The following FUT8 variants were observed in gnomAD, a reference collection of about 807,000 sequenced individuals.
FUT8 encodes alpha-(1,6)-fucosyltransferase.
FUT8 carries 29 observed loss-of-function variants against 71.3 expected under a neutral mutation model. That is an observed-to-expected ratio of 0.41 (90% CI 0.30 to 0.55). The LOEUF is 0.55. Among genes scored for constraint, FUT8 ranks in the 20% least tolerant of loss-of-function variants. FUT8 has a pLI of 0.34. For missense variants in FUT8, 544 were observed against 702.1 expected, an observed-to-expected ratio of 0.77 and a Z score of 2.55; for synonymous variants, 254 against 239.3, an observed-to-expected ratio of 1.06 and a Z score of -0.57.
chr14:65,425,457 C>A (rs1224688347), intron 1 of FUT8, among the ~76,000 whole-genome samples: 1 of 148,172 alleles, frequency 6.7e-6, no homozygotes, highest in African/African-American at 2.5e-5. Flanking sequence ...TATGAGCCAC[C>A]ATGCCTGGCC....
intron 2 of FUT8, among the ~76,000 whole-genome samples, chr14:65,456,580 C>A (rs927028562): frequency 6.6e-6 from 1 of 150,662 alleles, no homozygotes; most frequent in Non-Finnish European, 1.5e-5. Flanking sequence ...ACTCTATGTT[C>A]TTTAAAAAAT....
At chr14:65,682,069 T>C (rs2140411004) in intron 7 of FUT8, among the ~76,000 whole-genome samples, 1 of 152,344 alleles carries the variant, frequency 6.6e-6, no homozygotes, top group South Asian at 2.1e-4. Context: ...AGAAAGTGTT[T>C]GCCAGCCTAA....
chr14:65,719,086 A>G (rs958973923), intron 7 of FUT8, among the ~76,000 whole-genome samples: 7 of 152,172 alleles, frequency 4.6e-5, no homozygotes, highest in Admixed American at 2.6e-4. Flanking sequence ...CTTAAGGCCA[A>G]TAACTGTTAG....
chr14:65,498,585 A>C (rs929221564), intron 2 of FUT8, among the ~76,000 whole-genome samples: 2 of 152,152 alleles, frequency 1.3e-5, no homozygotes, highest in Non-Finnish European at 2.9e-5. Flanking sequence ...ATAGAATATA[A>C]TTTTGCATAT....
chr14:65,594,879 G>A (rs557862081), intron 3 of FUT8, among the ~76,000 whole-genome samples: 16 of 152,232 alleles, frequency 1.1e-4, no homozygotes, highest in African/African-American at 3.9e-4. Context: ...TATAGGCACA[G>A]AATGGGGGTT....
At chr14:65,400,953 T>C in the FUT8 span, among the ~76,000 whole-genome samples, 3 of 152,200 alleles carry the variant, frequency 2.0e-5, no homozygotes, top group Non-Finnish European at 4.4e-5. Context: ...TTCACCTTTT[T>C]GCTATTTTTA....
At chr14:65,665,302 G>T (rs1423249335) in intron 6 of FUT8, among the ~76,000 whole-genome samples, 1 of 152,132 alleles carries the variant, frequency 6.6e-6, no homozygotes, top group Non-Finnish European at 1.5e-5. Flanking sequence ...CATCATAGAA[G>T]GTAAGCTCAG....
intron 3 of FUT8, among the ~76,000 whole-genome samples, chr14:65,567,429 T>C (rs1033185131): frequency 1.3e-5 from 2 of 151,910 alleles, no homozygotes; most frequent in Non-Finnish European, 2.9e-5. Flanking sequence ...TCACAGGTCA[T>C]GTTTTACTGT....
At chr14:65,535,102 TTTTA>T (rs1271556379) in intron 2 of FUT8, among the ~76,000 whole-genome samples, 1 of 151,538 alleles carries the variant, frequency 6.6e-6, no homozygotes, top group East Asian at 1.9e-4. Flanking sequence ...TTATTTTTTA[TTTTA>T]TTTTATTTTT....
At chr14:65,416,215 AAG>A (rs2065217063) in intron 1 of FUT8, among the ~76,000 whole-genome samples, 1 of 152,230 alleles carries the variant, frequency 6.6e-6, no homozygotes, top group Non-Finnish European at 1.5e-5. Flanking sequence ...TTACAATCAT[AAG>A]AGTAAATATT....
intron 2 of FUT8, among the ~76,000 whole-genome samples, chr14:65,547,249 A>G (rs999850268): frequency 5.3e-5 from 8 of 151,508 alleles, no homozygotes; most frequent in Non-Finnish European, 1.2e-4. Context: ...TATTACATTC[A>G]TAGAGCTTAC....
At chr14:65,411,046 C>T (rs1014189680), upstream of FUT8, 1 of 152,232 alleles carries the variant, frequency 6.6e-6, no homozygotes, top group Non-Finnish European at 1.5e-5. Flanking sequence ...TTTAATCCCA[C>T]ATAAGTCTAA....
the FUT8 span, among the ~76,000 whole-genome samples, chr14:65,385,278 T>C: frequency 6.6e-6 from 1 of 152,160 alleles, no homozygotes; most frequent in Admixed American, 6.5e-5. Context: ...GGTCTAAAAA[T>C]CACTAGCTTT....
rs1445153638 is a variant in FUT8, at chr14:65,603,659, C to CT, written c.204-12318dup. Among the ~76,000 whole-genome samples, 2 of 151,362 alleles carry CT rather than the reference C, an allele frequency of 1.3e-5. No homozygotes were observed. The highest frequency in any genetic ancestry group is 2.4e-5 in the African/African-American group (1 of 41,234). ...TTTCTTGGTTAATCTTGCTAATGCT[C>CT]TATCAATTTTATTTATCTTTTCAAA... On this transcript the variant is annotated intron_variant, in intron 3 of 10. Transcript: ENST00000673929. This position sits in a 1 kb window ranked among gnomAD's most constrained non-coding sequence, Gnocchi z 4.5.
At chr14:65,590,868 G>A (rs933942394) in intron 3 of FUT8, among the ~76,000 whole-genome samples, 7 of 152,148 alleles carry the variant, frequency 4.6e-5, no homozygotes, top group South Asian at 2.1e-4. Flanking sequence ...TCTCCATGGG[G>A]AAAATAGGTG....
At chr14:65,667,470 G>A (rs180908394) in intron 6 of FUT8, among the ~76,000 whole-genome samples, 1 of 152,026 alleles carries the variant, frequency 6.6e-6, no homozygotes, top group Admixed American at 6.6e-5. Context: ...TAACTAGGGA[G>A]GTGCAAGATC....
chr14:65,489,354 T>C lies in FUT8; in HGVS notation c.-228+33636T>C, dbSNP rs2066452252. Among the ~76,000 whole-genome samples the C allele has an allele frequency of 6.6e-6, 1 of 152,176 alleles. No homozygotes were observed. Among genetic ancestry groups the C allele is most frequent in the African/African-American group, 2.4e-5 (1 of 41,462 alleles). On this transcript the variant is annotated intron_variant, in intron 2 of 10. Coordinates refer to ENST00000673929, the MANE Select transcript of FUT8 (RefSeq NM_001371533.1). This position sits in a 1 kb window ranked among gnomAD's most constrained non-coding sequence, Gnocchi z 4.0. The stretch of plus-strand genomic sequence containing the variant: ...TCTAATTTTCTGGGACGTATCTCTT[T>C]TAGTCTCCGTATATTAAATCTTAGG...
At chr14:65,612,256 A>G (rs959141264) in intron 3 of FUT8, among the ~76,000 whole-genome samples, 1 of 152,146 alleles carries the variant, frequency 6.6e-6, no homozygotes, top group Non-Finnish European at 1.5e-5. Flanking sequence ...GTTATTTTAA[A>G]ATAATTTGAT....
chr14:65,563,977 C>T (rs1040760703), intron 3 of FUT8, among the ~76,000 whole-genome samples: 2 of 151,956 alleles, frequency 1.3e-5, no homozygotes, highest in Non-Finnish European at 2.9e-5. Flanking sequence ...CAAATAGGCC[C>T]ATGTTTATAT....
Sources: gnomAD v4.1 joint callset for allele counts (sites outside exome capture counted in the v4.1 genomes callset) on GRCh38, gnomAD v4.1.1 for gene constraint, Gnocchi (gnomAD v3.1) non-coding constraint, MANE v1.5 for transcripts, NCBI Gene and HGNC (gene_info 2026-07-23, HGNC 2026-07-21) for gene names.